Variants in TLN2 observed in about 807,000 individuals in gnomAD.
TLN2 encodes talin 2.
Under a neutral mutation model 294.7 loss-of-function variants are expected in TLN2, and 118 were observed. That is an observed-to-expected ratio of 0.40 (90% CI 0.34 to 0.47). TLN2 has a LOEUF of 0.47. TLN2 is among the 20% of genes least tolerant of loss of function. The pLI is 0.84. For missense variants in TLN2, 3,083 were observed against 3,282.2 expected (o/e 0.94, Z 1.48); for synonymous variants, 1,431 against 1,304.5 (o/e 1.10, Z -2.09).
chr15:62,494,771 C>T (rs1459620875), intron 1 of TLN2, among the ~76,000 whole-genome samples: 1 of 151,904 alleles, frequency 6.6e-6, no homozygotes, highest in Non-Finnish European at 1.5e-5. Flanking sequence ...TTGTGTGTGC[C>T]CTGCTCCCAC....
At chr15:62,546,880 A>G (rs1361295993) in intron 1 of TLN2, among the ~76,000 whole-genome samples, 1 of 152,216 alleles carries the variant, frequency 6.6e-6, no homozygotes, top group African/African-American at 2.4e-5. Flanking sequence ...GGCCATGAGG[A>G]GGCATGCTGC....
intron 52 of TLN2, among the ~76,000 whole-genome samples, chr15:62,819,268 G>A (rs1255743891): frequency 6.6e-6 from 1 of 152,158 alleles, no homozygotes; most frequent in Non-Finnish European, 1.5e-5. Context: ...TCTCCTTTAT[G>A]ATCTTTAGGA....
chr15:62,756,615 G>A (rs149415976), intron 37 of TLN2, among the ~76,000 whole-genome samples: 1 of 152,306 alleles, frequency 6.6e-6, no homozygotes, highest in Non-Finnish European at 1.5e-5. Flanking sequence ...TTTTAGTTAA[G>A]GGTTTTGTAT....
intron 1 of TLN2, among the ~76,000 whole-genome samples, chr15:62,446,811 C>A (rs540327053): frequency 1.2e-4 from 18 of 152,244 alleles, no homozygotes; most frequent in African/African-American, 4.3e-4. Context: ...GTGCTTCTAG[C>A]TCAAATGAAT....
intron 46 of TLN2, among the ~76,000 whole-genome samples, chr15:62,793,470 A>G (rs2065223749): frequency 3.3e-5 from 5 of 152,244 alleles, no homozygotes; most frequent in Admixed American, 3.3e-4. Flanking sequence ...TCTGACTGAT[A>G]GAACTGCAAA....
intron 28 of TLN2, among the ~76,000 whole-genome samples, chr15:62,729,097 A>G (rs989538571): frequency 1.3e-5 from 2 of 152,194 alleles, no homozygotes; most frequent in African/African-American, 4.8e-5. Flanking sequence ...TGAAAAGGCT[A>G]CTTTTTCCCA....
intron 1 of TLN2, among the ~76,000 whole-genome samples, chr15:62,442,975 C>G (rs1438952533): frequency 2.0e-5 from 3 of 152,184 alleles, no homozygotes; most frequent in African/African-American, 4.8e-5. Context: ...TCTAAGCTCT[C>G]TCTCACCTGT....
chr15:62,586,280 AAGT>A (rs2045607891), intron 1 of TLN2, among the ~76,000 whole-genome samples: 1 of 152,204 alleles, frequency 6.6e-6, no homozygotes, highest in African/African-American at 2.4e-5. Flanking sequence ...TGCTTAATCT[AAGT>A]TAAGTCTCAT....
chr15:62,803,600 C>T (rs1232191623), intron 50 of TLN2, among the ~76,000 whole-genome samples: 3 of 152,168 alleles, frequency 2.0e-5, no homozygotes, highest in Non-Finnish European at 2.9e-5. Context: ...GACGCTTATG[C>T]ATTCTTCAGT....
intron 24 of TLN2, 118 bp downstream of exon 24, chr15:62,717,807 C>A: frequency 1.4e-6 from 1 of 699,918 alleles, no homozygotes; most frequent in Non-Finnish European, 2.2e-6. Flanking sequence ...ATCCAATTTG[C>A]CCCAGTTCCC....
At chr15:62,448,432 A>G (rs2035937200) in intron 1 of TLN2, among the ~76,000 whole-genome samples, 1 of 152,232 alleles carries the variant, frequency 6.6e-6, no homozygotes, top group South Asian at 2.1e-4. Flanking sequence ...GGCAGGCTGA[A>G]TGAGCTTCAC....
intron 1 of TLN2, among the ~76,000 whole-genome samples, chr15:62,530,987 C>T (rs1388273238): frequency 6.6e-6 from 1 of 151,980 alleles, no homozygotes; most frequent in Non-Finnish European, 1.5e-5. Flanking sequence ...TTGTTTTAGT[C>T]GTGAATAATT....
intron 1 of TLN2, among the ~76,000 whole-genome samples, chr15:62,454,377 A>G (rs1473585466): frequency 6.6e-6 from 1 of 152,122 alleles, no homozygotes; most frequent in Non-Finnish European, 1.5e-5. Context: ...CTGACATTTT[A>G]ATGCCCAGTG....
chr15:62,527,118 G>A (rs2040782653), intron 1 of TLN2, among the ~76,000 whole-genome samples: 1 of 152,210 alleles, frequency 6.6e-6, no homozygotes, highest in South Asian at 2.1e-4. Context: ...TCAGGGATGG[G>A]TTGGATTTTG....
At chr15:62,836,815 A>G (rs1011685205) in intron 57 of TLN2, among the ~76,000 whole-genome samples, 2 of 152,266 alleles carry the variant, frequency 1.3e-5, no homozygotes, top group African/African-American at 2.4e-5. Flanking sequence ...TTTTATCTAC[A>G]TATAAAATAA....
intron 11 of TLN2, among the ~76,000 whole-genome samples, chr15:62,679,591 A>G (rs2056609622): frequency 6.6e-6 from 1 of 152,224 alleles, no homozygotes; most frequent in African/African-American, 2.4e-5. Context: ...AAAGAAGGTT[A>G]GTGGTTGCTT....
intron 45 of TLN2, 80 bp from the exon 46 acceptor site, chr15:62,792,561 A>T: frequency 6.4e-7 from 1 of 1,558,484 alleles, no homozygotes; most frequent in Non-Finnish European, 8.7e-7. Flanking sequence ...AGGACATAGG[A>T]GAAATTTTCC....
chr15:62,693,696 A>G (rs2058097534), intron 13 of TLN2, among the ~76,000 whole-genome samples: 1 of 152,186 alleles, frequency 6.6e-6, no homozygotes, highest in Non-Finnish European at 1.5e-5. Context: ...AGCCCATTCA[A>G]AAAACCAAGA....
chr15:62,394,384 T>A (rs1213965045), intron 1 of TLN2, among the ~76,000 whole-genome samples: 1 of 152,202 alleles, frequency 6.6e-6, no homozygotes, highest in East Asian at 1.9e-4. Flanking sequence ...AATAATTCAG[T>A]TATTTTTATT....
Sources: gnomAD v4.1 joint callset for allele counts (sites outside exome capture counted in the v4.1 genomes callset) on GRCh38, gnomAD v4.1.1 for gene constraint, MANE v1.5 for transcripts, NCBI Gene and HGNC (gene_info 2026-07-23, HGNC 2026-07-21) for gene names.